Variants in TAF4B observed in about 807,000 individuals in gnomAD.
The protein encoded by TAF4B is TATA-box binding protein associated factor 4b.
In TAF4B, 38 loss-of-function variants were observed where a neutral mutation model predicts 86.4. The observed-to-expected ratio is 0.44, with a 90% CI of 0.34 to 0.58. TAF4B has a LOEUF of 0.58. Ranked by LOEUF, TAF4B falls within the 20% of genes least tolerant of loss-of-function variation. The probability of loss-of-function intolerance (pLI) is 0.02; values close to 1 mark genes in which losing one functional copy is unlikely to be tolerated. For missense variants in TAF4B, 988 were observed against 1,027.6 expected (o/e 0.96, Z 0.53); for synonymous variants, 388 against 391.2 (o/e 0.99, Z 0.10).
At chr18:26,254,375 T>G (rs2056050991) in intron 1 of TAF4B, among the ~76,000 whole-genome samples, 1 of 152,188 alleles carries the variant, frequency 6.6e-6, no homozygotes, top group Non-Finnish European at 1.5e-5. Context: ...AATTTTAGTT[T>G]TAATACAGAG....
Position 26,278,358 on chromosome 18 carries a change from G to T in TAF4B, c.882+3305G>T, listed in dbSNP as rs181905773. Among the ~76,000 whole-genome samples the T allele has an allele frequency of 5.0e-3, 766 of 152,170 alleles. 2 individuals are homozygous for T. Among genetic ancestry groups the T allele is most frequent in the Non-Finnish European group, 6.9e-3 (472 of 67,996 alleles). ...CTTGCTCTCTTGCTCAGGCTGGAGT[G>T]CAGTGACATGATACTAGCTCACTGC... On this transcript the variant is annotated intron_variant, in intron 5 of 14. Coordinates refer to ENST00000269142, the MANE Select transcript of TAF4B (RefSeq NM_005640.3).
At chr18:26,278,325 G>A (rs1473513793) in intron 5 of TAF4B, among the ~76,000 whole-genome samples, 1 of 151,900 alleles carries the variant, frequency 6.6e-6, no homozygotes, top group African/African-American at 2.4e-5. Flanking sequence ...ATTTTTTAGA[G>A]TAAGAGTCTT....
At chr18:26,320,841 T>TC (rs1454418992) in intron 10 of TAF4B, among the ~76,000 whole-genome samples, 4 of 152,208 alleles carry the variant, frequency 2.6e-5, no homozygotes, top group Admixed American at 6.5e-5. Flanking sequence ...GGAGAATGAT[T>TC]CTAGAGGCTA....
At chr18:26,309,548 A>T (rs1251061861) in intron 9 of TAF4B, among the ~76,000 whole-genome samples, 1 of 152,166 alleles carries the variant, frequency 6.6e-6, no homozygotes, top group Non-Finnish European at 1.5e-5. Flanking sequence ...CGTGGATTTT[A>T]AAAAGATTTG....
At chr18:26,294,860 A>C (rs1791772) in intron 9 of TAF4B, among the ~76,000 whole-genome samples, 53,216 of 149,710 alleles carry the variant, frequency 0.36, 11,540 homozygotes, top group East Asian at 0.81. Flanking sequence ...GGAACAAAGC[A>C]TAGGAGAAAA....
chr18:26,265,380 G>A, intron 2 of TAF4B, 65 bp downstream of exon 2: 1 of 1,477,694 alleles, frequency 6.8e-7, no homozygotes, highest in African/African-American at 1.4e-5. Context: ...TATAAATGTT[G>A]TGTATATGTT....
chr18:26,344,482 G>A (rs2057160844), intron 13 of TAF4B, among the ~76,000 whole-genome samples: 1 of 151,522 alleles, frequency 6.6e-6, no homozygotes, highest in African/African-American at 2.4e-5. Flanking sequence ...CAGAAATGAA[G>A]GTGAAATAGA....
intron 1 of TAF4B, among the ~76,000 whole-genome samples, chr18:26,243,844 G>T (rs748885531): frequency 1.3e-5 from 2 of 152,154 alleles, no homozygotes; most frequent in Non-Finnish European, 2.9e-5. Flanking sequence ...TTTGCAGAAG[G>T]TCCACTCCAG....
In TAF4B at chr18:26,389,796, T is replaced by C. The variant is rs201660755; in HGVS notation, c.2422-49T>C. The C allele has an allele frequency of 8.2e-4, 1,291 of 1,580,086 alleles. 2 individuals are homozygous for C. The highest frequency in any genetic ancestry group is 1.4e-3 in the Admixed American group (80 of 56,740). ...CATGCTAGAATTGACAGGCTTTCCC[T>C]TTATGAAAGATTTTTATTTCAAATT... On this transcript the variant is annotated intron_variant, in intron 14 of 14. Transcript: ENST00000269142.
At chr18:26,252,081 T>C (rs1433213328) in intron 1 of TAF4B, among the ~76,000 whole-genome samples, 1 of 152,194 alleles carries the variant, frequency 6.6e-6, no homozygotes, top group Non-Finnish European at 1.5e-5. Flanking sequence ...GGTCTGAGGT[T>C]TACCCATCCA....
chr18:26,259,336 C>G (rs1194356196), intron 1 of TAF4B, among the ~76,000 whole-genome samples: 1 of 151,526 alleles, frequency 6.6e-6, no homozygotes, highest in African/African-American at 2.4e-5. Flanking sequence ...ACACAACATG[C>G]AGGTTTGTTA....
intron 14 of TAF4B, among the ~76,000 whole-genome samples, chr18:26,382,806 T>C (rs1009091168): frequency 2.6e-5 from 4 of 152,130 alleles, no homozygotes; most frequent in South Asian, 4.1e-4. Context: ...TTCTAGTAAG[T>C]GATAAGTTAA....
At chr18:26,271,462 T>G (rs959148966) in intron 3 of TAF4B, among the ~76,000 whole-genome samples, 21 of 152,206 alleles carry the variant, frequency 1.4e-4, no homozygotes, top group Admixed American at 1.1e-3. Flanking sequence ...ATACAACTCA[T>G]TTTATTGGCT....
At chr18:26,282,150 GAATGTGA>G (rs1332591138) in intron 6 of TAF4B, 90 bp downstream of exon 6, 1 of 1,067,758 alleles carries the variant, frequency 9.4e-7, no homozygotes, top group Non-Finnish European at 1.4e-6. Flanking sequence ...GACAGCAATT[GAATGTGA>G]AGATACTGAC....
chr18:26,352,349 G>C (rs977681891), intron 13 of TAF4B, among the ~76,000 whole-genome samples: 2 of 151,614 alleles, frequency 1.3e-5, no homozygotes, highest in African/African-American at 2.4e-5. Context: ...AAGAAGAAAG[G>C]CCTCAAATCA....
At chr18:26,269,751 G>C (rs1297517644) in intron 3 of TAF4B, among the ~76,000 whole-genome samples, 1 of 152,078 alleles carries the variant, frequency 6.6e-6, no homozygotes, top group African/African-American at 2.4e-5. Flanking sequence ...ATACTATAAG[G>C]AAGTGTTATC....
intron 13 of TAF4B, among the ~76,000 whole-genome samples, chr18:26,347,381 T>C (rs75370252): frequency 0.016 from 2,381 of 151,890 alleles, 62 homozygotes; most frequent in African/African-American, 0.055. Context: ...ACAACCACCA[T>C]CATGAAAGGA....
intron 14 of TAF4B, among the ~76,000 whole-genome samples, chr18:26,380,597 A>G (rs2057471535): frequency 6.6e-6 from 1 of 152,068 alleles, no homozygotes; most frequent in East Asian, 1.9e-4. Flanking sequence ...CTTCCTTTCT[A>G]GTAATATTCC....
chr18:26,258,329 T>C (rs2056116223), intron 1 of TAF4B, among the ~76,000 whole-genome samples: 2 of 152,312 alleles, frequency 1.3e-5, no homozygotes, highest in South Asian at 4.1e-4. Flanking sequence ...TATTTGTCTT[T>C]TCTGGATTTT....
Sources: gnomAD v4.1 joint callset for allele counts (sites outside exome capture counted in the v4.1 genomes callset) on GRCh38, gnomAD v4.1.1 for gene constraint, MANE v1.5 for transcripts, NCBI Gene and HGNC (gene_info 2026-07-23, HGNC 2026-07-21) for gene names.